LRRTM4: variants seen among roughly 807,000 people sequenced by gnomAD.
LRRTM4 encodes the protein leucine rich repeat transmembrane neuronal 4.
LRRTM4 carries 25 observed loss-of-function variants against 47.6 expected under a neutral mutation model. That is an observed-to-expected ratio of 0.53 (90% CI 0.38 to 0.73). The LOEUF (loss-of-function observed/expected upper bound fraction) is 0.73, where lower values mean the gene tolerates loss of function less well. Among genes scored for constraint, LRRTM4 ranks in the 30% least tolerant of loss-of-function variants. The pLI, the probability that LRRTM4 is intolerant of heterozygous loss-of-function variation, is 0.00. For missense variants in LRRTM4, 638 were observed against 713.4 expected, an observed-to-expected ratio of 0.89 and a Z score of 1.20; for synonymous variants, 311 against 269.5, an observed-to-expected ratio of 1.15 and a Z score of -1.51.
chr2:77,019,670 T>G (rs1417942026), intron 3 of LRRTM4, among the ~76,000 whole-genome samples: 1 of 152,154 alleles, frequency 6.6e-6, no homozygotes, highest in Admixed American at 6.5e-5. Flanking sequence ...GCCAATTTCT[T>G]GTTTCAGATA....
intron 3 of LRRTM4, among the ~76,000 whole-genome samples, chr2:76,906,516 T>C (rs1183676367): frequency 6.6e-6 from 1 of 151,692 alleles, no homozygotes; most frequent in African/African-American, 2.4e-5. Context: ...TAAATGTAAA[T>C]GGACTAAATG....
intron 3 of LRRTM4, among the ~76,000 whole-genome samples, chr2:76,776,090 T>A (rs965388968): frequency 6.6e-6 from 1 of 151,982 alleles, no homozygotes; most frequent in Non-Finnish European, 1.5e-5. Flanking sequence ...CATGAACTCA[T>A]CATTTTTTAT....
At chr2:76,765,551 C>T (rs1673423866) in intron 3 of LRRTM4, among the ~76,000 whole-genome samples, 1 of 152,096 alleles carries the variant, frequency 6.6e-6, no homozygotes, top group African/African-American at 2.4e-5. Flanking sequence ...AATTAGTGCC[C>T]TTAACAAGAT....
chr2:76,957,189 T>A (rs1675702688), intron 3 of LRRTM4, among the ~76,000 whole-genome samples: 1 of 151,668 alleles, frequency 6.6e-6, no homozygotes, highest in Non-Finnish European at 1.5e-5. Context: ...TGATTTTCCT[T>A]ATGGGAGGTG....
At chr2:76,991,231 A>G (rs910005759) in intron 3 of LRRTM4, among the ~76,000 whole-genome samples, 2 of 151,250 alleles carry the variant, frequency 1.3e-5, no homozygotes, top group African/African-American at 4.9e-5. Flanking sequence ...TTACACCTAG[A>G]GGAACTAGAA....
intron 3 of LRRTM4, among the ~76,000 whole-genome samples, chr2:76,927,671 A>G (rs770650978): frequency 3.3e-5 from 5 of 152,146 alleles, no homozygotes; most frequent in Non-Finnish European, 5.9e-5. Flanking sequence ...GTAGCAAATA[A>G]ATGAATATAT....
At chr2:77,387,646 AG>A (rs1304032292) in intron 3 of LRRTM4, among the ~76,000 whole-genome samples, 1 of 152,148 alleles carries the variant, frequency 6.6e-6, no homozygotes, top group Non-Finnish European at 1.5e-5. Flanking sequence ...GTCTTCTGCC[AG>A]CTTGTATGAA....
chr2:77,458,447 G>A (rs1573443127), intron 3 of LRRTM4, among the ~76,000 whole-genome samples: 2 of 152,166 alleles, frequency 1.3e-5, no homozygotes, highest in East Asian at 1.9e-4. Context: ...GCACTGCCTT[G>A]TTTTATTTAA....
At chr2:76,820,852 A>C (rs1166212050) in intron 3 of LRRTM4, among the ~76,000 whole-genome samples, 1 of 151,834 alleles carries the variant, frequency 6.6e-6, no homozygotes, top group Non-Finnish European at 1.5e-5. Flanking sequence ...GCGCAAAAGT[A>C]GCTAGAAGCA....
intron 3 of LRRTM4, among the ~76,000 whole-genome samples, chr2:77,458,377 A>AGCT (rs751113583): frequency 6.6e-6 from 1 of 152,206 alleles, no homozygotes; most frequent in Non-Finnish European, 1.5e-5. Flanking sequence ...AGCAGGCATT[A>AGCT]GCTGGGTCAG....
chr2:76,936,198 T>C (rs962304700), intron 3 of LRRTM4, among the ~76,000 whole-genome samples: 2 of 152,074 alleles, frequency 1.3e-5, no homozygotes, highest in Non-Finnish European at 2.9e-5. Context: ...CAAATGCCCA[T>C]CAATGATAGA....
chr2:76,896,756 C>T (rs1394571513), intron 3 of LRRTM4, among the ~76,000 whole-genome samples: 5 of 149,926 alleles, frequency 3.3e-5, no homozygotes, highest in Non-Finnish European at 7.4e-5. Context: ...TTATTGGACA[C>T]TTTCTGATTG....
In LRRTM4 at chr2:76,792,027, G is replaced by T. The variant is rs181737691; in HGVS notation, c.1552-43111C>A. On this transcript the variant is annotated intron_variant, in intron 3 of 3. Coordinates refer to ENST00000409884, the MANE Select transcript of LRRTM4 (RefSeq NM_001134745.3). ...TTCTCCATTATATTGTTCCATTTCA[G>T]AAAGAAAGTCAGCTCTTATTTATCT... 1.9e-3 allele frequency among the ~76,000 whole-genome samples: 285 copies of T among 152,142 alleles called. 1 individual carries two copies. The highest frequency in any genetic ancestry group is 6.2e-3 in the African/African-American group (259 of 41,526).
Position 77,365,558 on chromosome 2 carries a change from G to T in LRRTM4, c.1551+152760C>A, listed in dbSNP as rs367548540. Among the ~76,000 whole-genome samples, 52 of 151,670 alleles carry T rather than the reference G, an allele frequency of 3.4e-4. 1 individual carries two copies. In the South Asian group the frequency reaches 0.011, roughly 32 times the overall value. On this transcript the variant is annotated intron_variant, in intron 3 of 3. Transcript: ENST00000409884. Reference sequence around the variant, plus strand: ...ATGTAGGAGAGAAGAGAATCAAGAAGAATTTACTAAAGTTACTTTATCAAT... The same window carrying T: ...ATGTAGGAGAGAAGAGAATCAAGAATAATTTACTAAAGTTACTTTATCAAT...
At chr2:77,003,056 G>A (rs945693561) in intron 3 of LRRTM4, among the ~76,000 whole-genome samples, 1 of 152,006 alleles carries the variant, frequency 6.6e-6, no homozygotes, top group Non-Finnish European at 1.5e-5. Flanking sequence ...TGGGTACTCA[G>A]TATAATTTCT....
intron 3 of LRRTM4, among the ~76,000 whole-genome samples, chr2:77,373,096 TA>T (rs1308211451): frequency 1.4e-5 from 2 of 143,808 alleles, no homozygotes; most frequent in Non-Finnish European, 3.1e-5. Context: ...AAAATATATA[TA>T]TATATATATA....
At chr2:77,059,475 C>T (rs1342002365) in intron 3 of LRRTM4, among the ~76,000 whole-genome samples, 1 of 143,648 alleles carries the variant, frequency 7.0e-6, no homozygotes, top group East Asian at 1.9e-4. Flanking sequence ...AACACAAGCT[C>T]GTTGAGTGTG....
intron 3 of LRRTM4, among the ~76,000 whole-genome samples, chr2:76,750,029 A>G (rs1672795951): frequency 6.6e-6 from 1 of 152,084 alleles, no homozygotes; most frequent in Non-Finnish European, 1.5e-5. Flanking sequence ...TATCTGTTTT[A>G]TTTGTGGTTT....
intron 3 of LRRTM4, among the ~76,000 whole-genome samples, chr2:77,074,052 CTCT>C (rs1255776619): frequency 6.6e-6 from 1 of 151,828 alleles, no homozygotes; most frequent in Middle Eastern, 3.2e-3. Context: ...AAAAAGTTCA[CTCT>C]TCTTATAAAT....
Sources: gnomAD v4.1 joint callset for allele counts (sites outside exome capture counted in the v4.1 genomes callset) on GRCh38, gnomAD v4.1.1 for gene constraint, MANE v1.5 for transcripts, NCBI Gene and HGNC (gene_info 2026-07-23, HGNC 2026-07-21) for gene names.